POLD1: variants seen among roughly 807,000 people sequenced by gnomAD.
The protein encoded by POLD1 is DNA polymerase delta 1, catalytic subunit.
Under a neutral mutation model 129.7 loss-of-function variants are expected in POLD1, and 79 were observed. The observed-to-expected ratio is 0.61, with a 90% CI of 0.51 to 0.73. The LOEUF is 0.73. POLD1 is among the 30% of genes least tolerant of loss of function. POLD1 has a pLI of 0.00. For missense variants in POLD1, 1,338 were observed against 1,595.8 expected (o/e 0.84, Z 2.75); for synonymous variants, 714 against 683.3 (o/e 1.04, Z -0.70).
rs1555791419 is a variant in POLD1, at chr19:50,407,102, C to T, written c.1614C>T (p.Val538=). The T allele has an allele frequency of 1.2e-6, 2 of 1,613,640 alleles. No individual in the cohort carries two copies. Among genetic ancestry groups the T allele is most frequent in the South Asian group, 1.1e-5 (1 of 91,072 alleles). The change falls in exon 13 of 27, where the codon GTC becomes GTT. Residue 538 remains valine (V), a synonymous_variant. Transcript: ENST00000440232. ...VLVNAVEMAR[V]TGVPLSYLLS... is the part of the protein sequence containing the mutation. ...TGAACGCCGTGGAGATGGCGAGGGT[C>T]ACTGGCGTGCCCCTCAGCTACCTGC...
rs897166414 is a variant in POLD1, at chr19:50,403,199, A to G, written c.1117A>G (p.Lys373Glu). Residue 373 changes from lysine (K) to glutamate (E), a missense_variant, in exon 9 of 27, where the codon AAG becomes GAG. By Grantham distance (56) the Lys-to-Glu change is moderately conservative. Around this residue, in one of 3 missense-constraint regions of POLD1, gnomAD observed 720 missense variants for 1,002.6 expected, o/e 0.72. Coordinates refer to ENST00000440232, the MANE Select transcript of POLD1 (RefSeq NM_002691.4). ...ILGAKVQSYE[K>E]EEDLLQAWST... ...GGGTGCCAAGGTGCAGAGCTACGAG[A>G]AGGAGGAGGACCTGCTGCAGGTAGC... 5.1e-6 allele frequency: 8 copies of G among 1,560,456 alleles called. No homozygotes were observed. The African/African-American group carries it at 5.4e-5, about 11-fold the overall frequency.
chr19:50,390,220 TTTTTC>T (rs200923978), intron 1 of POLD1, among the ~76,000 whole-genome samples: 2,410 of 151,446 alleles, frequency 0.016, 52 homozygotes, highest in African/African-American at 0.052. Flanking sequence ...ATAATTTCTT[TTTTTC>T]TTTTCTTTTC....
At chr19:50,396,860 C>A (rs12985254) in intron 1 of POLD1, among the ~76,000 whole-genome samples, 20,152 of 151,148 alleles carry the variant, frequency 0.13, 1,619 homozygotes, top group African/African-American at 0.23. Flanking sequence ...CTTTGGGAGG[C>A]CGAGGCAGGT....
intron 22 of POLD1, 28 bp downstream of exon 22, chr19:50,415,854 G>C (rs368740538): frequency 1.4e-6 from 2 of 1,388,086 alleles, no homozygotes; most frequent in Non-Finnish European, 1.9e-6. Flanking sequence ...GCCTGCTCCC[G>C]CCCAGCCCCC....
chr19:50,405,902 G>A (rs1365701594), intron 10 of POLD1, among the ~76,000 whole-genome samples: 1 of 151,898 alleles, frequency 6.6e-6, no homozygotes, highest in East Asian at 1.9e-4. Context: ...TTCCTGCCTA[G>A]GTACAGCCCG....
intron 1 of POLD1, among the ~76,000 whole-genome samples, chr19:50,391,700 AGGG>A (rs909418790): frequency 3.3e-5 from 1 of 30,122 alleles, no homozygotes; most frequent in Non-Finnish European, 6.7e-5. Context: ...GGGGAGGGGG[AGGG>A]GGAGGGAGAG....
intron 3 of POLD1, among the ~76,000 whole-genome samples, chr19:50,400,522 ATTTTTTTTT>A (rs1016107364): frequency 1.9e-4 from 12 of 63,520 alleles, no homozygotes; most frequent in South Asian, 1.2e-3. Flanking sequence ...TGCCCCGCCT[ATTTTTTTTT>A]TTTTTTTTTT....
At chr19:50,395,562 A>C (rs909136614) in intron 1 of POLD1, among the ~76,000 whole-genome samples, 27 of 151,076 alleles carry the variant, frequency 1.8e-4, no homozygotes, top group East Asian at 1.6e-3. Flanking sequence ...CCAGCCTGGG[A>C]GACAGAGCGA....
intron 1 of POLD1, among the ~76,000 whole-genome samples, chr19:50,385,017 G>A (rs1354779101): frequency 6.6e-6 from 1 of 152,146 alleles, no homozygotes; most frequent in African/African-American, 2.4e-5. Context: ...AGATGAGGTC[G>A]GAGTCATGAT....
Position 50,399,013 on chromosome 19 carries a change from G to C in POLD1, c.162G>C (p.Glu54Asp). The C allele has an allele frequency of 6.4e-7, 1 of 1,561,636 alleles. No homozygotes were observed. The highest frequency in any genetic ancestry group is 2.4e-5 in the East Asian group (1 of 42,402). The change falls in exon 2 of 27, where the codon GAG (glutamate) becomes GAC (aspartate). Residue 54 changes from glutamate (E) to aspartate (D), a missense_variant. Glu to Asp is a conservative substitution (Grantham distance 45, BLOSUM62 2). Transcript: ENST00000440232. Reference protein sequence around the residue: ...MEAEHRLQEQEEEELQSVLEG... With the variant: ...MEAEHRLQEQDEEELQSVLEG... ...CAGAACACAGGCTGCAGGAGCAGGA[G>C]GAGGAGGAGCTGCAGTCAGTCCTGG...
At chr19:50,392,974 A>T (rs1336114193) in intron 1 of POLD1, among the ~76,000 whole-genome samples, 2 of 152,178 alleles carry the variant, frequency 1.3e-5, no homozygotes, top group Non-Finnish European at 2.9e-5. Context: ...CATTGAACGG[A>T]CTTAACATAT....
Position 50,408,917 on chromosome 19 carries a change from C to G in POLD1, c.1892+16C>G, listed in dbSNP as rs1251090252. Reference sequence around the variant, plus strand: ...AGAAACTGGGGTATAGTGCCCAATTCAGCATGTGTCCCCCGAGGCCCATCT... The same window carrying G: ...AGAAACTGGGGTATAGTGCCCAATTGAGCATGTGTCCCCCGAGGCCCATCT... On this transcript the variant is annotated intron_variant, in intron 15 of 26. Coordinates refer to ENST00000440232, the MANE Select transcript of POLD1 (RefSeq NM_002691.4). 1 of 1,599,880 alleles carries G rather than the reference C, an allele frequency of 6.3e-7. No homozygotes were observed. Among genetic ancestry groups the G allele is most frequent in the Non-Finnish European group, 8.5e-7 (1 of 1,171,860 alleles).
chr19:50,411,566 CG>C (rs1297661916), intron 17 of POLD1, among the ~76,000 whole-genome samples: 1 of 152,218 alleles, frequency 6.6e-6, no homozygotes, highest in Non-Finnish European at 1.5e-5. Context: ...ATTGGCTGGG[CG>C]CGGTGGCTCA....
Position 50,417,071 on chromosome 19 carries a change from C to G in POLD1, c.3094C>G (p.Arg1032Gly), listed in dbSNP as rs760766848. The G allele has an allele frequency of 6.4e-7, 1 of 1,553,790 alleles. No homozygotes were observed. The highest frequency in any genetic ancestry group is 1.2e-5 in the South Asian group (1 of 84,394). Reference sequence around the variant, plus strand: ...AGCCGTGTGTGAGTTCTGCCAGCCCCGGGAGTCTGAGCTGTATCAGAAGGA... The same window carrying G: ...AGCCGTGTGTGAGTTCTGCCAGCCCGGGGAGTCTGAGCTGTATCAGAAGGA... ...QGAVCEFCQP[R>G]ESELYQKEVS... Residue 1032 changes from arginine to glycine, a missense_variant, in exon 25 of 27, where the codon CGG (arginine) becomes GGG (glycine). By Grantham distance (125) the Arg-to-Gly change is moderately radical (BLOSUM62 -2). This residue lies in a region of POLD1 where 286 missense variants were observed against 277.5 expected (regional missense o/e 1.03). Coordinates refer to ENST00000440232, the MANE Select transcript of POLD1 (RefSeq NM_002691.4).
intron 10 of POLD1, among the ~76,000 whole-genome samples, chr19:50,404,741 G>A (rs1013443694): frequency 2.7e-5 from 4 of 150,626 alleles, no homozygotes; most frequent in East Asian, 3.9e-4. Flanking sequence ...ACCACGCCCC[G>A]CAAATTTTTG....
At chr19:50,401,391 A>ATATATATTTTTT (rs1334231607) in intron 3 of POLD1, among the ~76,000 whole-genome samples, 2 of 65,988 alleles carry the variant, frequency 3.0e-5, no homozygotes, top group Non-Finnish European at 5.1e-5. Context: ...ATATATATAT[A>ATATATATTTTTT]TTTTTTTTTT....
At chr19:50,410,040 G>A (rs1310939431) in intron 17 of POLD1, among the ~76,000 whole-genome samples, 1 of 152,182 alleles carries the variant, frequency 6.6e-6, no homozygotes, top group South Asian at 2.1e-4. Context: ...GACTGTCGGG[G>A]AGTGATGGGG....
intron 3 of POLD1, among the ~76,000 whole-genome samples, chr19:50,400,595 C>T (rs1487583957): frequency 7.1e-6 from 1 of 140,508 alleles, no homozygotes; most frequent in Non-Finnish European, 1.5e-5. Context: ...AGCAGTGGCA[C>T]AATCATGGTT....
rs754566158 is a variant in POLD1 at position 50,415,420 on chromosome 19, C to T, written c.2565-18C>T. On this transcript the variant is annotated intron_variant, in intron 20 of 26. Coordinates refer to ENST00000440232, the MANE Select transcript of POLD1 (RefSeq NM_002691.4). The stretch of plus-strand genomic sequence containing the variant: ...CTCAGTGCCTTTTGGTGACGCTGTG[C>T]GGCCCGCTCTCCTACAGAGACCCTG... 24 of 1,602,908 alleles carry T rather than the reference C, an allele frequency of 1.5e-5. No individual in the cohort carries two copies. The highest frequency in any genetic ancestry group is 2.7e-5 in the African/African-American group (2 of 74,698).
Sources: gnomAD v4.1 joint callset for allele counts (sites outside exome capture counted in the v4.1 genomes callset) on GRCh38, gnomAD v4.1.1 for gene constraint, gnomAD v4.1.1 regional missense constraint, MANE v1.5 for transcripts, NCBI Gene and HGNC (gene_info 2026-07-23, HGNC 2026-07-21) for gene names.